DYSF: variants seen among roughly 807,000 people sequenced by gnomAD.
DYSF encodes dysferlin.
Under a neutral mutation model 274.9 loss-of-function variants are expected in DYSF, and 212 were observed. The ratio of observed to expected loss-of-function variants is 0.77; its 90% CI spans 0.69 to 0.86. The LOEUF is 0.86. Among genes scored for constraint, DYSF ranks in the 40% least tolerant of loss-of-function variants. The pLI, the probability that DYSF is intolerant of heterozygous loss-of-function variation, is 0.00. For synonymous variants in DYSF, 1,091 were observed against 1,078.7 expected, an observed-to-expected ratio of 1.01 and a Z score of -0.22; for missense variants, 2,666 against 2,783.2, an observed-to-expected ratio of 0.96 and a Z score of 0.95.
chr2:71,535,548 G>A lies in DYSF; in HGVS notation c.1493+237G>A, dbSNP rs550419394. Among the ~76,000 whole-genome samples the A allele has an allele frequency of 2.9e-4, 44 of 152,132 alleles. 1 individual carries two copies. The highest frequency in any genetic ancestry group is 9.4e-4 in the African/African-American group (39 of 41,510). ...GAGGAATCATCTCTGAGGGCAGAAG[G>A]AGCTGGGAAGGCTTCCTGGAGGAGG... is the stretch of plus-strand genomic sequence containing the variant. On this transcript the variant is annotated intron_variant, in intron 16 of 55. Transcript: ENST00000410020.
chr2:71,677,700 A>G (rs1332950907), intron 52 of DYSF, among the ~76,000 whole-genome samples: 1 of 150,286 alleles, frequency 6.7e-6, no homozygotes, highest in East Asian at 1.9e-4. Flanking sequence ...AAGTGTTTTG[A>G]GGATGTGGAG....
rs2094956948 is a variant in DYSF, at chr2:71,664,316, C to T, written c.5052C>T (p.Ile1684=). The change falls in exon 46 of 56, where the codon ATC becomes ATT. Residue 1684 remains isoleucine (I), a synonymous_variant. Coordinates refer to ENST00000410020, the MANE Select transcript of DYSF (RefSeq NM_001130987.2). ...CTLPLEKDLK[I]TLYDYDLLSK... is the part of the protein sequence containing the mutation. Reference sequence around the variant, plus strand: ...TGCCTCTGGAGAAGGACCTAAAGATCACTCTCTATGACTATGACCTCCTCT... The same window carrying T: ...TGCCTCTGGAGAAGGACCTAAAGATTACTCTCTATGACTATGACCTCCTCT... 2 of 1,614,046 alleles carry T rather than the reference C, an allele frequency of 1.2e-6. No individual in the cohort carries two copies. Among genetic ancestry groups the T allele is most frequent in the South Asian group, 1.1e-5 (1 of 91,074 alleles).
At chr2:71,617,879 G>GGGGTGTGTGTGGTAGAGGT (rs2093938374) in intron 40 of DYSF, among the ~76,000 whole-genome samples, 1 of 20,668 alleles carries the variant, frequency 4.8e-5, no homozygotes, top group Non-Finnish European at 1.0e-4. Flanking sequence ...GTAGAGGTGG[G>GGGGTGTGTGTGGTAGAGGT]GTGTGTGTGG....
intron 12 of DYSF, among the ~76,000 whole-genome samples, chr2:71,524,656 C>T (rs1169748154): frequency 2.0e-5 from 3 of 152,196 alleles, no homozygotes; most frequent in Non-Finnish European, 2.9e-5. Context: ...CCTGTCCCTT[C>T]GCTGCTCGCT....
At chr2:71,622,130 G>GATTTTTTTTTTTTTTTTTTT (rs1553390366) in intron 41 of DYSF, among the ~76,000 whole-genome samples, 3 of 97,002 alleles carry the variant, frequency 3.1e-5, no homozygotes, top group Non-Finnish European at 4.0e-5. Context: ...TGATTTCTTT[G>GATTTTTTTTTTTTTTTTTTT]TTTTTTTTTT....
intron 17 of DYSF, among the ~76,000 whole-genome samples, chr2:71,542,563 G>A (rs2090019416): frequency 6.6e-6 from 1 of 152,124 alleles, no homozygotes; most frequent in South Asian, 2.1e-4. Context: ...AGATTAGGGA[G>A]TGGTGATGAC....
intron 1 of DYSF, among the ~76,000 whole-genome samples, chr2:71,476,213 A>T (rs1422291178): frequency 1.3e-5 from 2 of 152,176 alleles, no homozygotes; most frequent in Non-Finnish European, 2.9e-5. Flanking sequence ...TACTGATGGT[A>T]CAACAGCAAT....
chr2:71,612,555 T>G (rs2093788131), intron 38 of DYSF, 86 bp from the exon 39 acceptor site: 3 of 1,577,232 alleles, frequency 1.9e-6, no homozygotes. Context: ...TATCTGCGGT[T>G]TATAGTCATT....
chr2:71,584,807 C>T (rs1392065887), intron 30 of DYSF, among the ~76,000 whole-genome samples: 1 of 152,142 alleles, frequency 6.6e-6, no homozygotes, highest in Non-Finnish European at 1.5e-5. Context: ...GGTGCCCATA[C>T]CTCAGAGATG....
At chr2:71,467,383 G>T (rs1440284907) in intron 1 of DYSF, among the ~76,000 whole-genome samples, 2 of 152,086 alleles carry the variant, frequency 1.3e-5, no homozygotes, top group African/African-American at 4.8e-5. Flanking sequence ...TCCAACATTG[G>T]CTGTATTGAA....
intron 33 of DYSF, among the ~76,000 whole-genome samples, chr2:71,599,618 G>A (rs1343817732): frequency 6.6e-6 from 1 of 152,208 alleles, no homozygotes; most frequent in African/African-American, 2.4e-5. Flanking sequence ...GAGTGCTGAC[G>A]TCAGGGCAGC....
chr2:71,522,443 C>T (rs1168635541), intron 12 of DYSF, among the ~76,000 whole-genome samples: 4 of 152,052 alleles, frequency 2.6e-5, no homozygotes, highest in Admixed American at 6.5e-5. Context: ...CTGGAGCCCA[C>T]GCCTTATTTG....
intron 4 of DYSF, among the ~76,000 whole-genome samples, chr2:71,504,332 G>A (rs1029494243): frequency 2.0e-5 from 3 of 152,170 alleles, no homozygotes; most frequent in Admixed American, 1.3e-4. Flanking sequence ...AGGGGTCTTA[G>A]GCTGGGGATG....
intron 53 of DYSF, among the ~76,000 whole-genome samples, chr2:71,680,103 C>T (rs2152968911): frequency 6.6e-6 from 1 of 152,168 alleles, no homozygotes; most frequent in East Asian, 1.9e-4. Context: ...ACAACAATAA[C>T]TAATAATAGA....
At chr2:71,656,972 C>T (rs1376829148) in intron 43 of DYSF, among the ~76,000 whole-genome samples, 5 of 152,214 alleles carry the variant, frequency 3.3e-5, no homozygotes, top group Non-Finnish European at 5.9e-5. Flanking sequence ...ATTATGCCTT[C>T]CTTAGAGTCC....
chr2:71,669,643 A>C lies in DYSF; in HGVS notation c.5681A>C (p.Asp1894Ala). The part of the protein sequence containing the change: ...IGFEEHKQKT[D>A]VHYRSLGGEG... The stretch of plus-strand genomic sequence containing the variant: ...TTTGAAGAACACAAGCAAAAGACAG[A>C]CGTGCATTATCGTTCCCTGGGAGGT... The change falls in exon 51 of 56, where the codon GAC becomes GCC. Residue 1894 changes from aspartate to alanine, a missense_variant. Transcript: ENST00000410020. 3 of 1,614,228 alleles carry C rather than the reference A, an allele frequency of 1.9e-6. No homozygotes were observed. In the South Asian group the frequency reaches 3.3e-5, roughly 18 times the overall value.
At chr2:71,556,401 G>A (rs530671077) in intron 22 of DYSF, among the ~76,000 whole-genome samples, 8 of 152,314 alleles carry the variant, frequency 5.3e-5, no homozygotes, top group African/African-American at 1.9e-4. Flanking sequence ...GTGGGGTGAC[G>A]GCGCCCCTCA....
chr2:71,568,672 T>A (rs1337523533), intron 26 of DYSF, among the ~76,000 whole-genome samples: 1 of 152,078 alleles, frequency 6.6e-6, no homozygotes, highest in Non-Finnish European at 1.5e-5. Context: ...GTGATCCTCC[T>A]GCTCCTGCCT....
chr2:71,556,626 T>C (rs1273310019), intron 22 of DYSF, among the ~76,000 whole-genome samples: 1 of 152,192 alleles, frequency 6.6e-6, no homozygotes, highest in Non-Finnish European at 1.5e-5. Context: ...ATAACTACTT[T>C]ATAATATCTT....
Sources: allele counts gnomAD v4.1 joint callset (sites outside exome capture counted in the v4.1 genomes callset), GRCh38; gene constraint gnomAD v4.1.1; transcripts MANE v1.5; gene names NCBI Gene and HGNC (gene_info 2026-07-23, HGNC 2026-07-21).